Variants in SH3RF3 observed in about 807,000 individuals in gnomAD.
SH3RF3 encodes the protein E3 ubiquitin-protein ligase SH3RF3.
Under a neutral mutation model 66.3 loss-of-function variants are expected in SH3RF3, and 29 were observed. The ratio of observed to expected loss-of-function variants is 0.44; its 90% confidence interval spans 0.33 to 0.60. SH3RF3 has a LOEUF of 0.60. Among genes scored for constraint, SH3RF3 ranks in the 20% least tolerant of loss-of-function variants. The pLI is 0.04. For synonymous variants in SH3RF3, 583 were observed against 532.0 expected, an observed-to-expected ratio of 1.10 and a Z score of -1.32; for missense variants, 1,194 against 1,190.9, an observed-to-expected ratio of 1.00 and a Z score of -0.04.
rs575369482 is a variant in SH3RF3, at chr2:109,250,239, C to G, written c.574-97435C>G. 8.5e-5 allele frequency among the ~76,000 whole-genome samples: 13 copies of G among 152,162 alleles called. No individual in the cohort carries two copies. In the South Asian group the frequency reaches 2.3e-3, roughly 27 times the overall value. On this transcript the variant is annotated intron_variant, in intron 1 of 9. Coordinates refer to ENST00000309415, the MANE Select transcript of SH3RF3 (RefSeq NM_001099289.3). Reference sequence around the variant, plus strand: ...TTGTATTTAGGGAAAGGCAACTGAACCAAGTTACGAGAATGTTTAGAACTT... The same window carrying G: ...TTGTATTTAGGGAAAGGCAACTGAAGCAAGTTACGAGAATGTTTAGAACTT...
chr2:109,411,245 G>T (rs1006221537), intron 4 of SH3RF3, among the ~76,000 whole-genome samples: 1 of 152,224 alleles, frequency 6.6e-6, no homozygotes, highest in Non-Finnish European at 1.5e-5. Context: ...CGCAGCTCAG[G>T]CTTTGCAGGA....
chr2:109,166,459 GAAAAAA>G (rs386390872), intron 1 of SH3RF3, among the ~76,000 whole-genome samples: 1 of 134,326 alleles, frequency 7.4e-6, no homozygotes, highest in Non-Finnish European at 1.6e-5. Flanking sequence ...CCTGGTGACA[GAAAAAA>G]AAAAAAAAAG....
At chr2:109,320,808 G>A (rs1237092562) in intron 1 of SH3RF3, among the ~76,000 whole-genome samples, 1 of 152,158 alleles carries the variant, frequency 6.6e-6, no homozygotes, top group Non-Finnish European at 1.5e-5. Flanking sequence ...TGCTGTACAT[G>A]GACAGGCAGA....
At chr2:109,415,570 C>T (rs1417217483) in intron 4 of SH3RF3, among the ~76,000 whole-genome samples, 1 of 152,164 alleles carries the variant, frequency 6.6e-6, no homozygotes, top group East Asian at 1.9e-4. Flanking sequence ...CCTCGCACTT[C>T]CTGATGGGTT....
intron 8 of SH3RF3, among the ~76,000 whole-genome samples, chr2:109,484,953 A>G (rs142722913): frequency 2.3e-4 from 35 of 152,352 alleles, no homozygotes; most frequent in African/African-American, 7.7e-4. Flanking sequence ...GTTAAAGTGT[A>G]CGATTGTGTT....
At chr2:109,249,604 T>G (rs974813606) in intron 1 of SH3RF3, among the ~76,000 whole-genome samples, 3 of 147,686 alleles carry the variant, frequency 2.0e-5, no homozygotes, top group Non-Finnish European at 4.5e-5. Flanking sequence ...TTTCTTTTTC[T>G]TTCTTTCTTT....
chr2:109,176,990 C>T (rs182544219), intron 1 of SH3RF3, among the ~76,000 whole-genome samples: 1 of 152,160 alleles, frequency 6.6e-6, no homozygotes, highest in East Asian at 1.9e-4. Flanking sequence ...TCAAGAGAGC[C>T]CTGCACTGGG....
chr2:109,421,105 G>T (rs995008506), intron 5 of SH3RF3, among the ~76,000 whole-genome samples: 1 of 152,176 alleles, frequency 6.6e-6, no homozygotes, highest in Non-Finnish European at 1.5e-5. Flanking sequence ...GTGCCAAGGA[G>T]GCACATGGAA....
At chr2:109,276,876 T>TG (rs1336583593) in intron 1 of SH3RF3, among the ~76,000 whole-genome samples, 3 of 151,574 alleles carry the variant, frequency 2.0e-5, no homozygotes, top group African/African-American at 7.3e-5. Context: ...TAAATTCACA[T>TG]GGAAAAAAAA....
intron 1 of SH3RF3, among the ~76,000 whole-genome samples, chr2:109,264,213 G>T (rs113630748): frequency 8.7e-6 from 1 of 115,010 alleles, no homozygotes. Flanking sequence ...ACCTCCCCAG[G>T]ATCCACTCCG....
chr2:109,428,544 G>A (rs148054355), intron 5 of SH3RF3, among the ~76,000 whole-genome samples: 4 of 152,210 alleles, frequency 2.6e-5, no homozygotes, highest in Non-Finnish European at 5.9e-5. Context: ...CACACCTGCC[G>A]CGGCCACTTC....
chr2:109,298,565 G>A (rs1335353563), intron 1 of SH3RF3, among the ~76,000 whole-genome samples: 1 of 152,124 alleles, frequency 6.6e-6, no homozygotes, highest in East Asian at 1.9e-4. Flanking sequence ...TTGTCTGCCA[G>A]CCCTGCAGGA....
At chr2:109,400,220 A>G (rs1048285577) in intron 4 of SH3RF3, among the ~76,000 whole-genome samples, 2 of 152,102 alleles carry the variant, frequency 1.3e-5, no homozygotes, top group Admixed American at 6.5e-5. Context: ...ACTTGCACAC[A>G]TGCACGCACA....
intron 5 of SH3RF3, among the ~76,000 whole-genome samples, chr2:109,424,908 A>G (rs1676988783): frequency 6.6e-6 from 1 of 152,256 alleles, no homozygotes; most frequent in Non-Finnish European, 1.5e-5. Context: ...AAAGTTAGAA[A>G]TGATTAAGCT....
chr2:109,191,737 C>T (rs1231912293), intron 1 of SH3RF3, among the ~76,000 whole-genome samples: 1 of 152,130 alleles, frequency 6.6e-6, no homozygotes, highest in Non-Finnish European at 1.5e-5. Context: ...GAGGGGAAGC[C>T]CTGAGCCAGG....
At position 109,129,582 on chromosome 2, in the gene SH3RF3, C is replaced by T. The variant is rs189197650; in HGVS notation, c.42C>T (p.Ala14=). The T allele has an allele frequency of 6.7e-6, 10 of 1,483,772 alleles. No individual in the cohort carries two copies. The highest frequency in any genetic ancestry group is 5.1e-5 in the South Asian group (4 of 77,842). The allele number at this position is 1,483,772 out of a possible 1,614,324, so 91.9% of individuals were successfully genotyped here. A position where few individuals can be genotyped will look rare whatever the true frequency, so the allele number is the denominator to read the frequency against. The part of the protein sequence containing the change: ...GASWLCASKA[A]AAAAQSEGDE... ...CCTGGCTGTGCGCATCCAAGGCGGCCGCCGCTGCTGCGCAGAGCGAGGGCG... is the reference window on the plus strand; with the variant it reads ...CCTGGCTGTGCGCATCCAAGGCGGCTGCCGCTGCTGCGCAGAGCGAGGGCG... The change falls in exon 1 of 10, where the codon GCC becomes GCT. Residue 14 remains alanine (A), a synonymous_variant. Transcript: ENST00000309415.
intron 1 of SH3RF3, among the ~76,000 whole-genome samples, chr2:109,248,930 C>T (rs1230158534): frequency 2.4e-5 from 3 of 125,644 alleles, no homozygotes; most frequent in Non-Finnish European, 5.0e-5. Flanking sequence ...CTGTCCTGTC[C>T]TGTCTTGCTC....
intron 1 of SH3RF3, among the ~76,000 whole-genome samples, chr2:109,341,564 A>G (rs1474116832): frequency 6.6e-6 from 1 of 152,190 alleles, no homozygotes; most frequent in Non-Finnish European, 1.5e-5. Context: ...TGAGCTGTGA[A>G]TGAGATCCCA....
chr2:109,371,751 C>A, intron 3 of SH3RF3, 70 bp downstream of exon 3: 1 of 1,356,596 alleles, frequency 7.4e-7, no homozygotes. Context: ...GTGGGGTCAC[C>A]TGACCTTCAA....
Sources: allele counts gnomAD v4.1 joint callset (sites outside exome capture counted in the v4.1 genomes callset), GRCh38; gene constraint gnomAD v4.1.1; transcripts MANE v1.5; gene names NCBI Gene and HGNC (gene_info 2026-07-23, HGNC 2026-07-21).